The following PTER variants were observed in gnomAD, a reference collection of about 807,000 sequenced individuals.
PTER encodes phosphotriesterase related.
PTER carries 38 observed loss-of-function variants against 29.6 expected under a neutral mutation model. The ratio of observed to expected loss-of-function variants is 1.28; its 90% CI spans 0.99 to 1.68. PTER has a LOEUF of 1.68. Among genes scored for constraint, PTER ranks in the 40% most tolerant of loss-of-function variants. The pLI, the probability that PTER is intolerant of heterozygous loss-of-function variation, is 0.00. For synonymous variants in PTER, 172 were observed against 154.5 expected (o/e 1.11, Z -0.84); for missense variants, 482 against 427.8 (o/e 1.13, Z -1.12).
chr10:16,511,994 A>G lies in PTER; in HGVS notation c.*738A>G, dbSNP rs1836829132. On this transcript the variant is annotated 3_prime_UTR_variant, in exon 5 of 5. Transcript: ENST00000535784. Reference sequence around the variant, plus strand: ...AAAGTCAAAATATATTACATAATATAGTTTAATGAATCATTACATTTATAA... The same window carrying G: ...AAAGTCAAAATATATTACATAATATGGTTTAATGAATCATTACATTTATAA... The G allele has an allele frequency of 6.6e-6, 1 of 152,576 alleles. No homozygotes were observed. Among genetic ancestry groups the G allele is most frequent in the Non-Finnish European group, 1.5e-5 (1 of 68,026 alleles). The allele number at this position is 152,576 out of a possible 1,614,324, so 9.5% of individuals were successfully genotyped here.
chr10:16,450,598 G>A (rs892832409), intron 1 of PTER, among the ~76,000 whole-genome samples: 1 of 152,116 alleles, frequency 6.6e-6, no homozygotes, highest in African/African-American at 2.4e-5. Context: ...TTGCAGATCA[G>A]CCACTCACAT....
At chr10:16,440,564 C>T (rs555132579) in intron 1 of PTER, among the ~76,000 whole-genome samples, 1 of 152,182 alleles carries the variant, frequency 6.6e-6, no homozygotes, top group Non-Finnish European at 1.5e-5. Context: ...TAGCCATTTC[C>T]CTGTCTCCTT....
chr10:16,512,271 TAG>T lies in PTER; in HGVS notation c.*1016_*1017del, dbSNP rs1836842463. The T allele has an allele frequency of 6.6e-6, 1 of 152,170 alleles. No individual in the cohort carries two copies. Among genetic ancestry groups the T allele is most frequent in the Non-Finnish European group, 1.5e-5 (1 of 68,004 alleles). 9.4% of individuals were successfully genotyped at this position (152,170 alleles called of 1,614,324 possible). A position where few individuals can be genotyped will look rare whatever the true frequency, so the allele number is the denominator to read the frequency against. ...TAAATAAAATGTTTTTAAAACCTGTTAGTTAAAACACTTAGGTGATGGGCACT... is the reference window on the plus strand; with the variant it reads ...TAAATAAAATGTTTTTAAAACCTGTTTTAAAACACTTAGGTGATGGGCACT... On this transcript the variant is annotated 3_prime_UTR_variant, in exon 5 of 5. Coordinates refer to ENST00000535784, the MANE Select transcript of PTER (RefSeq NM_001261836.2).
intron 3 of PTER, among the ~76,000 whole-genome samples, chr10:16,503,721 G>C (rs546637390): frequency 1.2e-4 from 18 of 152,182 alleles, no homozygotes; most frequent in African/African-American, 3.1e-4. Context: ...TGTATTTTTA[G>C]TAGAGACGTG....
intron 1 of PTER, among the ~76,000 whole-genome samples, chr10:16,482,271 C>T (rs1317355485): frequency 6.6e-6 from 1 of 152,216 alleles, no homozygotes; most frequent in African/African-American, 2.4e-5. Flanking sequence ...CTGTCACCCT[C>T]TGACCTCTGA....
At chr10:16,455,101 C>T (rs971340822) in intron 1 of PTER, among the ~76,000 whole-genome samples, 11 of 151,794 alleles carry the variant, frequency 7.2e-5, no homozygotes, top group African/African-American at 2.7e-4. Context: ...TGGTGGTATA[C>T]ACCTGTAGTC....
At chr10:16,516,421 T>C (rs1316014394), downstream of PTER, among the ~76,000 whole-genome samples, 2 of 152,198 alleles carry the variant, frequency 1.3e-5, no homozygotes, top group African/African-American at 4.8e-5. Context: ...ATTGCTATTA[T>C]GACTTGTGTT....
intron 3 of PTER, 98 bp downstream of exon 3, chr10:16,486,715 C>A (rs991243527): frequency 7.5e-7 from 1 of 1,336,310 alleles, no homozygotes; most frequent in Non-Finnish European, 1.0e-6. Context: ...ATACTAATCA[C>A]GCAGAGAAAA....
chr10:16,514,278 C>T, downstream of PTER: 1 of 549,130 alleles, frequency 1.8e-6, no homozygotes, highest in South Asian at 2.9e-5. Flanking sequence ...GGACTTCATT[C>T]ACATGGACAC....
At chr10:16,477,167 G>A (rs934914666) in intron 1 of PTER, among the ~76,000 whole-genome samples, 2 of 152,088 alleles carry the variant, frequency 1.3e-5, no homozygotes, top group Admixed American at 6.6e-5. Context: ...GCCTCCCAGA[G>A]TGCTGGGATT....
downstream of PTER, chr10:16,514,797 C>G: frequency 6.5e-6 from 6 of 929,284 alleles, no homozygotes; most frequent in South Asian, 8.3e-5. Flanking sequence ...AGCTGACTTG[C>G]TGCCATAGTA....
chr10:16,496,064 A>G (rs1836084837), intron 3 of PTER, among the ~76,000 whole-genome samples: 1 of 152,168 alleles, frequency 6.6e-6, no homozygotes, highest in Admixed American at 6.5e-5. Flanking sequence ...TAATCTGGCT[A>G]ATAACAGCGC....
intron 3 of PTER, among the ~76,000 whole-genome samples, chr10:16,491,454 G>A (rs768544550): frequency 4.6e-5 from 7 of 152,148 alleles, no homozygotes; most frequent in Non-Finnish European, 8.8e-5. Context: ...CTGCAGGGCT[G>A]TGCATACGAT....
At chr10:16,470,659 T>C (rs934045502) in intron 1 of PTER, among the ~76,000 whole-genome samples, 1 of 152,054 alleles carries the variant, frequency 6.6e-6, no homozygotes, top group African/African-American at 2.4e-5. Flanking sequence ...TCCCAGCTAC[T>C]TGGGAGGCTG....
intron 1 of PTER, among the ~76,000 whole-genome samples, chr10:16,475,357 A>G (rs1835220963): frequency 6.6e-6 from 1 of 152,090 alleles, no homozygotes; most frequent in Non-Finnish European, 1.5e-5. Flanking sequence ...TGCTACCTTC[A>G]CAGGGACGGC....
intron 1 of PTER, among the ~76,000 whole-genome samples, chr10:16,478,639 TAA>T (rs78771037): frequency 1.4e-5 from 2 of 144,192 alleles, no homozygotes; most frequent in Non-Finnish European, 3.1e-5. Context: ...CAGCCCCATT[TAA>T]AAAAAAAAAA....
intron 3 of PTER, among the ~76,000 whole-genome samples, chr10:16,502,705 T>G (rs907185384): frequency 3.9e-5 from 6 of 151,986 alleles, no homozygotes. Context: ...AAGAAAAGCT[T>G]TGATCAGGTG....
chr10:16,498,820 C>T (rs973494232), intron 3 of PTER, among the ~76,000 whole-genome samples: 5 of 152,192 alleles, frequency 3.3e-5, no homozygotes, highest in African/African-American at 1.2e-4. Context: ...AAGAAAGTCA[C>T]TTGCATAAAT....
chr10:16,464,582 C>G (rs1003351939), intron 1 of PTER, among the ~76,000 whole-genome samples: 4 of 152,154 alleles, frequency 2.6e-5, no homozygotes, highest in Non-Finnish European at 5.9e-5. Flanking sequence ...CTGGGCCAAG[C>G]CCTTGTGTCA....
Sources: gnomAD v4.1 joint callset for allele counts (sites outside exome capture counted in the v4.1 genomes callset) on GRCh38, gnomAD v4.1.1 for gene constraint, MANE v1.5 for transcripts, NCBI Gene and HGNC (gene_info 2026-07-23, HGNC 2026-07-21) for gene names.